DIP2C: variants seen among roughly 807,000 people sequenced by gnomAD.
DIP2C encodes DIP2 acetate--CoA ligase C (putative).
Under a neutral mutation model 192.4 loss-of-function variants are expected in DIP2C, and 33 were observed. The ratio of observed to expected loss-of-function variants is 0.17; its 90% CI spans 0.13 to 0.23. The LOEUF (loss-of-function observed/expected upper bound fraction) is 0.23. Ranked by LOEUF, DIP2C falls within the 10% of genes least tolerant of loss-of-function variation. The pLI is 1.00. For synonymous variants in DIP2C, 979 were observed against 864.1 expected (o/e 1.13, Z -2.33); for missense variants, 1,537 against 2,110.1 (o/e 0.73, Z 5.32).
chr10:429,940 T>C (rs1966840995), intron 4 of DIP2C, among the ~76,000 whole-genome samples: 1 of 152,126 alleles, frequency 6.6e-6, no homozygotes, highest in African/African-American at 2.4e-5. Context: ...AGAGTATATT[T>C]AGTTTTGTAA....
intron 32 of DIP2C, among the ~76,000 whole-genome samples, chr10:301,930 C>G (rs1243432169): frequency 6.6e-6 from 1 of 152,124 alleles, no homozygotes; most frequent in Non-Finnish European, 1.5e-5. Flanking sequence ...AAAGTGAATT[C>G]TTTTATTTTT....
chr10:650,174 T>A (rs1372282040), intron 1 of DIP2C: 2 of 717,284 alleles, frequency 2.8e-6, no homozygotes, highest in Non-Finnish European at 5.2e-6. Flanking sequence ...GAGTCAACAC[T>A]GGAGGTCCTG....
In DIP2C at chr10:409,781, GT is replaced by G. The variant is rs549345082; in HGVS notation, c.1058-765del. ...ACTTTCCTAACCTCAGGGTTTTAGG[GT>G]TTTTAATCACAATCCTTGGATTCAG... On this transcript the variant is annotated intron_variant, in intron 8 of 36. Transcript: ENST00000280886. Among the ~76,000 whole-genome samples the G allele has an allele frequency of 3.6e-3, 545 of 152,300 alleles. 6 individuals carry two copies. Among genetic ancestry groups the G allele is most frequent in the Non-Finnish European group, 4.1e-3 (280 of 68,036 alleles).
In DIP2C at chr10:404,229, GAC is replaced by G. The variant is rs1403359304; in HGVS notation, c.1149+4695_1149+4696del. Among the ~76,000 whole-genome samples, 118 of 143,984 alleles carry G rather than the reference GAC, an allele frequency of 8.2e-4. 2 individuals carry two copies. The highest frequency in any genetic ancestry group is 1.2e-3 in the Non-Finnish European group (82 of 65,940). 94.5% of individuals were successfully genotyped at this position (143,984 alleles called of 152,430 possible). A position where few individuals can be genotyped will look rare whatever the true frequency, so the allele number is the denominator to read the frequency against. ...TTCTGGATTTTTTTTTTTTTTTTGA[GAC>G]AGAGTCTTGTTGTGTCACCCAGGCT... On this transcript the variant is annotated intron_variant, in intron 9 of 36. Transcript: ENST00000280886.
At position 651,516 on chromosome 10, in the gene DIP2C, G is replaced by A. The variant is rs905502977; in HGVS notation, c.85+37978C>T. On this transcript the variant is annotated intron_variant, in intron 1 of 36. Transcript: ENST00000280886. The surrounding 1 kb of genome is among the most constrained non-coding windows in gnomAD (Gnocchi z 4.1). Reference sequence around the variant, plus strand: ...TATGAAAATCCGTATCCACGTGAAGGTATTATGCAAAAAAAGCTTAACTTT... The same window carrying A: ...TATGAAAATCCGTATCCACGTGAAGATATTATGCAAAAAAAGCTTAACTTT... 2.7e-5 allele frequency: 14 copies of A among 512,852 alleles called. No individual in the cohort carries two copies. The East Asian group carries it at 4.9e-4, about 18-fold the overall frequency. The allele number at this position is 512,852 out of a possible 1,614,324, so 31.8% of individuals were successfully genotyped here. A position where few individuals can be genotyped will look rare whatever the true frequency, so the allele number is the denominator to read the frequency against.
At chr10:649,467 T>C (rs1336166099) in intron 1 of DIP2C, among the ~76,000 whole-genome samples, 4 of 152,232 alleles carry the variant, frequency 2.6e-5, no homozygotes, top group Non-Finnish European at 5.9e-5. Context: ...CCTTCACGAA[T>C]TTTCAGGTAG....
At chr10:556,724 A>AC (rs1454489641) in intron 1 of DIP2C, among the ~76,000 whole-genome samples, 2 of 151,814 alleles carry the variant, frequency 1.3e-5, no homozygotes, top group Non-Finnish European at 2.9e-5. Flanking sequence ...CCCCAGACTC[A>AC]CCCCCAACAC....
chr10:534,664 G>A (rs1251982912), intron 1 of DIP2C, among the ~76,000 whole-genome samples: 2 of 136,872 alleles, frequency 1.5e-5, no homozygotes, highest in Non-Finnish European at 1.6e-5. Context: ...TCTGCTGGAT[G>A]ATTATTATTT....
In DIP2C at chr10:649,158, C is replaced by T. The variant is rs1374089872; in HGVS notation, c.85+40336G>A. 1.7e-4 allele frequency among the ~76,000 whole-genome samples: 18 copies of T among 104,956 alleles called. 1 individual carries two copies. Among genetic ancestry groups the T allele is most frequent in the East Asian group, 2.9e-4 (1 of 3,418 alleles). 68.9% of individuals were successfully genotyped at this position (104,956 alleles called of 152,430 possible). A position where few individuals can be genotyped will look rare whatever the true frequency, so the allele number is the denominator to read the frequency against. ...GTCCACGTCCACAGTGGACGGTGGGCGAGAACAGAGGGAAACTGAGTCCAC... is the reference window on the plus strand; with the variant it reads ...GTCCACGTCCACAGTGGACGGTGGGTGAGAACAGAGGGAAACTGAGTCCAC... On this transcript the variant is annotated intron_variant, in intron 1 of 36. Transcript: ENST00000280886.
intron 32 of DIP2C, among the ~76,000 whole-genome samples, chr10:288,713 G>A (rs892830095): frequency 1.3e-5 from 2 of 152,164 alleles, no homozygotes; most frequent in African/African-American, 4.8e-5. Context: ...TTTCAGAAAA[G>A]GAAAAGAACA....
intron 34 of DIP2C, 86 bp from the exon 35 acceptor site, chr10:283,532 A>G (rs1954947321): frequency 8.1e-6 from 12 of 1,481,968 alleles, no homozygotes; most frequent in Admixed American, 1.9e-5. Context: ...AATTCAGTAC[A>G]TTATATTCAG....
At chr10:342,810 G>T (rs558389409) in intron 28 of DIP2C, among the ~76,000 whole-genome samples, 1 of 152,254 alleles carries the variant, frequency 6.6e-6, no homozygotes, top group East Asian at 1.9e-4. Flanking sequence ...AAGAGCTTCC[G>T]CATCTTCCTC....
chr10:292,814 CTCTT>C (rs1158979661), intron 32 of DIP2C, among the ~76,000 whole-genome samples: 2 of 152,230 alleles, frequency 1.3e-5, no homozygotes. Flanking sequence ...ACAGAAGAGA[CTCTT>C]TCTTCCTCCA....
intron 3 of DIP2C, among the ~76,000 whole-genome samples, chr10:468,427 A>C (rs1333503519): frequency 6.6e-6 from 1 of 152,130 alleles, no homozygotes; most frequent in African/African-American, 2.4e-5. Flanking sequence ...TGCAAAGGTC[A>C]TGGGGTGCGC....
At position 381,864 on chromosome 10, in the gene DIP2C, C is replaced by T. The variant is rs572828698; in HGVS notation, c.1991+783G>A. 3.3e-5 allele frequency among the ~76,000 whole-genome samples: 5 copies of T among 152,338 alleles called. No individual in the cohort carries two copies. In the East Asian group the frequency reaches 5.8e-4, roughly 18 times the overall value. ...TGGACATGCTGCCCCAAGAGCCCCA[C>T]ACCACACCTCCTCTCTCTTGCCACA... is the stretch of plus-strand genomic sequence containing the variant. On this transcript the variant is annotated intron_variant, in intron 17 of 36. Coordinates refer to ENST00000280886, the MANE Select transcript of DIP2C (RefSeq NM_014974.3).
At chr10:336,152 T>G (rs749113032) in intron 29 of DIP2C, among the ~76,000 whole-genome samples, 7 of 152,192 alleles carry the variant, frequency 4.6e-5, no homozygotes, top group Non-Finnish European at 8.8e-5. Context: ...GAGGATAGCT[T>G]GAGCCCAGGA....
intron 1 of DIP2C, among the ~76,000 whole-genome samples, chr10:604,651 T>TTA (rs1271862373): frequency 6.6e-6 from 1 of 152,254 alleles, no homozygotes; most frequent in African/African-American, 2.4e-5. Flanking sequence ...CTTCTCTTGA[T>TTA]TATAGTTTTT....
intron 1 of DIP2C, among the ~76,000 whole-genome samples, chr10:516,109 T>G (rs1421491640): frequency 6.6e-6 from 1 of 150,518 alleles, no homozygotes; most frequent in Non-Finnish European, 1.5e-5. Context: ...GCCACTGGCA[T>G]GACTTGGGTC....
rs1554766019 is a variant in DIP2C at position 651,227 on chromosome 10, C to T, written c.85+38267G>A. ...AGACCCTGTCCTCACCTGCATCACA[C>T]CAATGATGGCGTCACAGCGTGGGTT... On this transcript the variant is annotated intron_variant, in intron 1 of 36. Coordinates refer to ENST00000280886, the MANE Select transcript of DIP2C (RefSeq NM_014974.3). The surrounding 1 kb of genome is among the most constrained non-coding windows in gnomAD (Gnocchi z 4.1). The T allele has an allele frequency of 1.4e-6, 1 of 716,900 alleles. No individual in the cohort carries two copies. The highest frequency in any genetic ancestry group is 2.6e-6 in the Non-Finnish European group (1 of 385,142). The allele number at this position is 716,900 out of a possible 1,614,324, so 44.4% of individuals were successfully genotyped here.
Sources: gnomAD v4.1 joint callset for allele counts (sites outside exome capture counted in the v4.1 genomes callset) on GRCh38, gnomAD v4.1.1 for gene constraint, Gnocchi (gnomAD v3.1) non-coding constraint, MANE v1.5 for transcripts, NCBI Gene and HGNC (gene_info 2026-07-23, HGNC 2026-07-21) for gene names.